The following KCNIP1 variants were observed in gnomAD, a reference collection of about 807,000 sequenced individuals.
KCNIP1 encodes the protein A-type potassium channel modulatory protein KCNIP1.
A neutral mutation model predicts 33.0 loss-of-function variants in KCNIP1; 18 were observed. The ratio of observed to expected loss-of-function variants is 0.55; its 90% confidence interval spans 0.38 to 0.81. KCNIP1 has a LOEUF of 0.81. Among genes scored for constraint, KCNIP1 ranks in the 30% least tolerant of loss-of-function variants. The pLI, the probability that KCNIP1 is intolerant of heterozygous loss-of-function variation, is 0.00. For missense variants in KCNIP1, 238 were observed against 271.6 expected, an observed-to-expected ratio of 0.88 and a Z score of 0.87; for synonymous variants, 93 against 98.3, an observed-to-expected ratio of 0.95 and a Z score of 0.32.
intron 1 of KCNIP1, among the ~76,000 whole-genome samples, chr5:170,649,152 G>A (rs938858614): frequency 2.0e-5 from 3 of 152,128 alleles, no homozygotes; most frequent in Non-Finnish European, 4.4e-5. Context: ...CCACTATTAA[G>A]TATTGACCCT....
At chr5:170,361,961 T>C (rs1042892193) in intron 1 of KCNIP1, among the ~76,000 whole-genome samples, 1 of 152,178 alleles carries the variant, frequency 6.6e-6, no homozygotes, top group Non-Finnish European at 1.5e-5. Context: ...AATGGCTTTT[T>C]TTTCTGGGCT....
At chr5:170,671,974 T>C (rs1761944133) in intron 1 of KCNIP1, among the ~76,000 whole-genome samples, 2 of 152,096 alleles carry the variant, frequency 1.3e-5, no homozygotes, top group African/African-American at 4.8e-5. Flanking sequence ...CTACAATAGA[T>C]GGAGGGGTGC....
chr5:170,428,672 C>G (rs1433917209), intron 1 of KCNIP1, among the ~76,000 whole-genome samples: 1 of 152,098 alleles, frequency 6.6e-6, no homozygotes, highest in Non-Finnish European at 1.5e-5. Context: ...CCTCACGAAA[C>G]CACCTACACT....
chr5:170,511,217 T>A (rs1032938778), intron 1 of KCNIP1, among the ~76,000 whole-genome samples: 1 of 151,906 alleles, frequency 6.6e-6, no homozygotes, highest in Non-Finnish European at 1.5e-5. Context: ...TCAAAAAAAA[T>A]AAAAATTAAA....
chr5:170,428,480 A>G (rs1755662736), intron 1 of KCNIP1, among the ~76,000 whole-genome samples: 1 of 152,046 alleles, frequency 6.6e-6, no homozygotes. Flanking sequence ...ACAACAAGGA[A>G]CATAATATCT....
chr5:170,598,925 G>T (rs1178088790), intron 1 of KCNIP1, among the ~76,000 whole-genome samples: 2 of 150,936 alleles, frequency 1.3e-5, no homozygotes. Flanking sequence ...GTGTGTGTGT[G>T]TGTGTGTGTG....
Position 170,630,254 on chromosome 5 carries a change from A to G in KCNIP1, c.62-88504A>G, listed in dbSNP as rs561444008. ...AAACTCAATCAATATTTACTTAGTG[A>G]ATAAATGGACGGATGGATGGATGGA... On this transcript the variant is annotated intron_variant, in intron 1 of 7. Coordinates refer to ENST00000328939, the MANE Select transcript of KCNIP1 (RefSeq NM_014592.4). Among the ~76,000 whole-genome samples the G allele has an allele frequency of 3.3e-5, 5 of 152,382 alleles. No homozygotes were observed. In the East Asian group the frequency reaches 9.6e-4, roughly 29 times the overall value.
At chr5:170,385,409 C>T (rs7713416) in intron 1 of KCNIP1, 1 of 1,614,110 alleles carries the variant, frequency 6.2e-7, no homozygotes, top group Non-Finnish European at 8.5e-7. Context: ...GGGCTCGTGT[C>T]TCTCCCCGCT....
intron 1 of KCNIP1, among the ~76,000 whole-genome samples, chr5:170,623,114 A>T (rs1759671159): frequency 6.6e-6 from 1 of 152,236 alleles, no homozygotes; most frequent in Non-Finnish European, 1.5e-5. Flanking sequence ...AGCGGAGCTC[A>T]GGCGGTAATG....
intron 1 of KCNIP1, among the ~76,000 whole-genome samples, chr5:170,646,624 CAGCTAACA>C (rs1490619540): frequency 6.6e-6 from 1 of 152,098 alleles, no homozygotes; most frequent in Non-Finnish European, 1.5e-5. Context: ...AAAAATCCTC[CAGCTAACA>C]TCATACTTAA....
chr5:170,614,077 G>A (rs902159517), intron 1 of KCNIP1, among the ~76,000 whole-genome samples: 2 of 152,198 alleles, frequency 1.3e-5, no homozygotes, highest in African/African-American at 4.8e-5. Context: ...TGTGTCCCTC[G>A]GGGAGGCATG....
At chr5:170,428,848 TG>T (rs1460709866) in intron 1 of KCNIP1, among the ~76,000 whole-genome samples, 1 of 152,140 alleles carries the variant, frequency 6.6e-6, no homozygotes, top group Non-Finnish European at 1.5e-5. Context: ...AGAAGGTATC[TG>T]GGGTTTGACA....
intron 1 of KCNIP1, among the ~76,000 whole-genome samples, chr5:170,554,331 G>A (rs1297078143): frequency 3.3e-5 from 5 of 152,180 alleles, no homozygotes; most frequent in African/African-American, 1.2e-4. Flanking sequence ...GGTACATTTT[G>A]CATGCCAGCT....
At chr5:170,481,305 C>T (rs1294434298) in intron 1 of KCNIP1, among the ~76,000 whole-genome samples, 1 of 152,146 alleles carries the variant, frequency 6.6e-6, no homozygotes, top group Non-Finnish European at 1.5e-5. Context: ...TCCAAAGAGC[C>T]CCTGTTTCTT....
intron 1 of KCNIP1, among the ~76,000 whole-genome samples, chr5:170,399,828 A>G (rs1754853300): frequency 6.6e-6 from 1 of 152,168 alleles, no homozygotes; most frequent in South Asian, 2.1e-4. Context: ...AGGTTTTGCT[A>G]TTATAAACTA....
intron 1 of KCNIP1, among the ~76,000 whole-genome samples, chr5:170,590,416 G>C (rs1286377111): frequency 6.6e-6 from 1 of 152,110 alleles, no homozygotes. Context: ...AGTGAGTCTG[G>C]AGGTGGAAAT....
At chr5:170,535,980 G>T in intron 1 of KCNIP1, among the ~76,000 whole-genome samples, 1 of 152,138 alleles carries the variant, frequency 6.6e-6, no homozygotes, top group Non-Finnish European at 1.5e-5. Context: ...CTGTGAAATG[G>T]GATTGATAAT....
At chr5:170,550,406 G>A (rs1224198615) in intron 1 of KCNIP1, among the ~76,000 whole-genome samples, 1 of 152,190 alleles carries the variant, frequency 6.6e-6, no homozygotes, top group Non-Finnish European at 1.5e-5. Context: ...ATAATCCAGT[G>A]AATGTTAACA....
intron 1 of KCNIP1, among the ~76,000 whole-genome samples, chr5:170,641,229 T>A (rs893767610): frequency 1.3e-5 from 2 of 152,166 alleles, no homozygotes; most frequent in African/African-American, 2.4e-5. Context: ...AAGAGCCTCT[T>A]TCCCAGACCC....
Sources: gnomAD v4.1 joint callset for allele counts (sites outside exome capture counted in the v4.1 genomes callset) on GRCh38, gnomAD v4.1.1 for gene constraint, MANE v1.5 for transcripts, NCBI Gene and HGNC (gene_info 2026-07-23, HGNC 2026-07-21) for gene names.